The following PACRG variants were observed in gnomAD, a reference collection of about 807,000 sequenced individuals.
PACRG encodes parkin coregulated gene protein.
PACRG carries 29 observed loss-of-function variants against 29.7 expected under a neutral mutation model. The observed-to-expected ratio is 0.98, with a 90% CI of 0.73 to 1.33. The LOEUF (loss-of-function observed/expected upper bound fraction) is 1.33. PACRG is among the 40% of genes most tolerant of loss of function. The pLI is 0.00. For synonymous variants in PACRG, 116 were observed against 118.7 expected, an observed-to-expected ratio of 0.98 and a Z score of 0.15; for missense variants, 279 against 316.2, an observed-to-expected ratio of 0.88 and a Z score of 0.89.
At chr6:162,799,738 A>G (rs769802258) in intron 1 of PACRG, among the ~76,000 whole-genome samples, 3 of 152,022 alleles carry the variant, frequency 2.0e-5, no homozygotes, top group Non-Finnish European at 4.4e-5. Flanking sequence ...AGTTTGCATC[A>G]TTAGACACAA....
At chr6:162,990,699 T>C (rs1240108394) in intron 2 of PACRG, among the ~76,000 whole-genome samples, 4 of 128,976 alleles carry the variant, frequency 3.1e-5, no homozygotes, top group African/African-American at 1.5e-4. Context: ...GCCTGTTCAC[T>C]CTGATGGTAG....
intron 1 of PACRG, among the ~76,000 whole-genome samples, chr6:162,739,516 T>C (rs182712564): frequency 1.8e-4 from 28 of 152,316 alleles, no homozygotes; most frequent in Middle Eastern, 3.4e-3. Context: ...TTTATACTTA[T>C]CACATTCTTC....
At chr6:162,925,083 G>A (rs1432869862) in intron 2 of PACRG, among the ~76,000 whole-genome samples, 1 of 152,002 alleles carries the variant, frequency 6.6e-6, no homozygotes, top group East Asian at 1.9e-4. Context: ...ATAAATTCCT[G>A]GACACACATA....
intron 1 of PACRG, among the ~76,000 whole-genome samples, chr6:162,748,660 A>G (rs907920347): frequency 6.6e-6 from 1 of 152,182 alleles, no homozygotes; most frequent in African/African-American, 2.4e-5. Flanking sequence ...GGTAAAGTAT[A>G]GAAAATGGCT....
At chr6:162,896,171 G>A (rs780700156) in intron 2 of PACRG, among the ~76,000 whole-genome samples, 9 of 152,194 alleles carry the variant, frequency 5.9e-5, no homozygotes, top group Non-Finnish European at 8.8e-5. Flanking sequence ...ATGTGTTCTT[G>A]TAAAATTCAC....
At chr6:162,794,987 G>T (rs1785253936) in intron 1 of PACRG, among the ~76,000 whole-genome samples, 1 of 152,094 alleles carries the variant, frequency 6.6e-6, no homozygotes, top group African/African-American at 2.4e-5. Flanking sequence ...AGGGGGTTTG[G>T]AGTTCTTGGT....
At chr6:163,120,932 T>C (rs2128324486) in intron 4 of PACRG, among the ~76,000 whole-genome samples, 1 of 152,344 alleles carries the variant, frequency 6.6e-6, no homozygotes, top group South Asian at 2.1e-4. Flanking sequence ...TCCAGCCAAA[T>C]GCCAGGAAGC....
chr6:162,785,591 T>TGGGGGGGGG, intron 1 of PACRG, among the ~76,000 whole-genome samples: 1 of 139,910 alleles, frequency 7.1e-6, no homozygotes, highest in African/African-American at 2.6e-5. Flanking sequence ...GTGCGGGGGT[T>TGGGGGGGGG]GGGGGAGGAT....
At chr6:163,203,413 A>G (rs1780784860) in intron 4 of PACRG, among the ~76,000 whole-genome samples, 1 of 152,160 alleles carries the variant, frequency 6.6e-6, no homozygotes, top group Admixed American at 6.5e-5. Flanking sequence ...TTCCGTCTCA[A>G]AAACAAACAA....
At chr6:162,920,563 C>T (rs1029285943) in intron 2 of PACRG, among the ~76,000 whole-genome samples, 1 of 152,152 alleles carries the variant, frequency 6.6e-6, no homozygotes, top group African/African-American at 2.4e-5. Context: ...TTATTTCTAG[C>T]ATTTTCCAGT....
At chr6:163,178,496 G>T (rs1426637786) in intron 4 of PACRG, among the ~76,000 whole-genome samples, 2 of 152,132 alleles carry the variant, frequency 1.3e-5, no homozygotes, top group African/African-American at 4.8e-5. Context: ...ACACATGCAG[G>T]AAACTTTAGT....
At chr6:162,863,092 TTCCACTCAA>T (rs1791997853) in intron 2 of PACRG, among the ~76,000 whole-genome samples, 3 of 152,290 alleles carry the variant, frequency 2.0e-5, no homozygotes, top group South Asian at 4.1e-4. Context: ...TGGGCTGGGC[TTCCACTCAA>T]GGGCCCTGCA....
At chr6:162,831,216 C>T (rs1424402877) in intron 2 of PACRG, among the ~76,000 whole-genome samples, 6 of 152,152 alleles carry the variant, frequency 3.9e-5, no homozygotes, top group Admixed American at 2.0e-4. Context: ...TCAAAGCCAA[C>T]GCATACACCA....
chr6:162,854,360 T>C (rs1791193853), intron 2 of PACRG, among the ~76,000 whole-genome samples: 1 of 152,162 alleles, frequency 6.6e-6, no homozygotes, highest in African/African-American at 2.4e-5. Context: ...TCTACCTGCA[T>C]AGTTCCACAA....
intron 4 of PACRG, among the ~76,000 whole-genome samples, chr6:163,153,751 A>G (rs1778198569): frequency 6.6e-6 from 1 of 152,224 alleles, no homozygotes; most frequent in South Asian, 2.1e-4. Flanking sequence ...TTAGTGTGGG[A>G]AAAAGATGAA....
At chr6:163,135,792 G>A (rs1031228723) in intron 4 of PACRG, among the ~76,000 whole-genome samples, 3 of 152,196 alleles carry the variant, frequency 2.0e-5, no homozygotes, top group South Asian at 2.1e-4. Flanking sequence ...TCGACAAGCC[G>A]GCTGACGCTT....
In PACRG at chr6:162,809,558, G is replaced by A. The variant is rs142140243; in HGVS notation, c.157-4589G>A. Among the ~76,000 whole-genome samples the A allele has an allele frequency of 2.1e-3, 316 of 152,288 alleles. 2 individuals are homozygous for A. Among genetic ancestry groups the A allele is most frequent in the African/African-American group, 7.3e-3 (305 of 41,570 alleles). ...TAGCCTTCTAAGCTTTGTTAGAAATGTGTCTATTCAGTCAAAAGTTTGAAC... is the reference window on the plus strand; with the variant it reads ...TAGCCTTCTAAGCTTTGTTAGAAATATGTCTATTCAGTCAAAAGTTTGAAC... On this transcript the variant is annotated intron_variant, in intron 1 of 4. Transcript: ENST00000366888.
At chr6:162,891,148 G>A (rs1584674372) in intron 2 of PACRG, among the ~76,000 whole-genome samples, 1 of 152,116 alleles carries the variant, frequency 6.6e-6, no homozygotes, top group Non-Finnish European at 1.5e-5. Context: ...AAATGGACAC[G>A]GTATATCCAG....
At chr6:162,968,738 T>C (rs1023953878) in intron 2 of PACRG, among the ~76,000 whole-genome samples, 6 of 152,064 alleles carry the variant, frequency 3.9e-5, no homozygotes, top group Non-Finnish European at 7.4e-5. Context: ...AAGTCATGCA[T>C]AAAGCAAAAT....
Sources: gnomAD v4.1 joint callset for allele counts (sites outside exome capture counted in the v4.1 genomes callset) on GRCh38, gnomAD v4.1.1 for gene constraint, MANE v1.5 for transcripts, NCBI Gene and HGNC (gene_info 2026-07-23, HGNC 2026-07-21) for gene names.